Variants in ME1 observed in about 807,000 individuals in gnomAD.
ME1 encodes the protein malic enzyme 1, also known as NADP-dependent malic enzyme.
Under a neutral mutation model 66.4 loss-of-function variants are expected in ME1, and 74 were observed. The ratio of observed to expected loss-of-function variants is 1.11; its 90% CI spans 0.92 to 1.35. ME1 has a LOEUF of 1.35. ME1 is among the 40% of genes most tolerant of loss of function. The pLI, the probability that ME1 is intolerant of heterozygous loss-of-function variation, is 0.00. For synonymous variants in ME1, 251 were observed against 235.6 expected, an observed-to-expected ratio of 1.07 and a Z score of -0.60; for missense variants, 750 against 694.1, an observed-to-expected ratio of 1.08 and a Z score of -0.90.
intron 6 of ME1, among the ~76,000 whole-genome samples, chr6:83,258,752 C>G (rs979274096): frequency 6.6e-6 from 1 of 152,036 alleles, no homozygotes. Context: ...AAGAAATGAA[C>G]TCAGTAAGAT....
At chr6:83,355,964 C>A (rs1023021541) in intron 3 of ME1, among the ~76,000 whole-genome samples, 1 of 152,062 alleles carries the variant, frequency 6.6e-6, no homozygotes, top group African/African-American at 2.4e-5. Flanking sequence ...AGAATTGAGA[C>A]AATTTTAAAA....
chr6:83,242,016 CCAT>C (rs1400744237), intron 7 of ME1, among the ~76,000 whole-genome samples: 9 of 152,140 alleles, frequency 5.9e-5, no homozygotes, highest in Admixed American at 2.6e-4. Context: ...GCACCCACCA[CCAT>C]GCCTGGCTAA....
At chr6:83,278,080 G>T (rs910743601) in intron 6 of ME1, among the ~76,000 whole-genome samples, 2 of 151,998 alleles carry the variant, frequency 1.3e-5, no homozygotes, top group Non-Finnish European at 2.9e-5. Flanking sequence ...CAAGAAAAAT[G>T]CTGAACAAAC....
At chr6:83,251,637 T>C (rs951032306) in intron 7 of ME1, among the ~76,000 whole-genome samples, 14 of 152,058 alleles carry the variant, frequency 9.2e-5, no homozygotes, top group African/African-American at 3.4e-4. Context: ...ATAATTGAGA[T>C]GAGATTTGAA....
chr6:83,393,715 T>C (rs1456511938), intron 3 of ME1, among the ~76,000 whole-genome samples: 1 of 152,214 alleles, frequency 6.6e-6, no homozygotes, highest in African/African-American at 2.4e-5. Context: ...TTAGTATCTC[T>C]CAGAAACAAA....
intron 3 of ME1, among the ~76,000 whole-genome samples, chr6:83,390,624 T>C (rs1338119036): frequency 6.6e-6 from 1 of 152,116 alleles, no homozygotes; most frequent in East Asian, 1.9e-4. Flanking sequence ...ATATACACAC[T>C]AAATTGCAAT....
At chr6:83,355,703 T>C (rs1386485007) in intron 3 of ME1, among the ~76,000 whole-genome samples, 3 of 152,144 alleles carry the variant, frequency 2.0e-5, no homozygotes, top group Non-Finnish European at 4.4e-5. Flanking sequence ...TATCCAAAAG[T>C]GTTTTGGCAC....
intron 1 of ME1, among the ~76,000 whole-genome samples, chr6:83,411,067 C>A (rs1187887454): frequency 6.6e-6 from 1 of 152,162 alleles, no homozygotes; most frequent in Non-Finnish European, 1.5e-5. Context: ...AAGTTAAAAT[C>A]CTAGGATTGT....
At chr6:83,341,657 T>A (rs551129961) in intron 5 of ME1, among the ~76,000 whole-genome samples, 4 of 152,250 alleles carry the variant, frequency 2.6e-5, no homozygotes, top group African/African-American at 4.8e-5. Context: ...AAGATAACAG[T>A]AATACAGAGT....
intron 6 of ME1, among the ~76,000 whole-genome samples, chr6:83,266,247 A>T (rs1046438535): frequency 5.3e-5 from 8 of 152,240 alleles, no homozygotes; most frequent in Admixed American, 3.3e-4. Flanking sequence ...ATAACTGCTT[A>T]AAATAAAAAC....
rs140606062 is a variant in ME1 at position 83,228,891 on chromosome 6, T to C, written c.1067A>G (p.His356Arg). ...TAGGTTCTTCATTTCTTCATGTTCA[T>C]GGGCAAACTTCTCTTTCTCTTGTGT... ...SLTQEKEKFAHEHEEMKNLEA... is the reference protein window; with the variant it reads ...SLTQEKEKFAREHEEMKNLEA... Residue 356 changes from histidine (H) to arginine (R), a missense_variant, in exon 10 of 14, where the codon CAT becomes CGT. Physicochemically the swap from His to Arg is conservative, Grantham distance 29 (BLOSUM62 0). Transcript: ENST00000369705. 5.8e-5 allele frequency: 93 copies of C among 1,613,106 alleles called. No homozygotes were observed. Among genetic ancestry groups the C allele is most frequent in the Non-Finnish European group, 7.0e-5 (83 of 1,179,834 alleles).
intron 3 of ME1, among the ~76,000 whole-genome samples, chr6:83,386,413 T>C (rs945643714): frequency 2.6e-5 from 4 of 151,946 alleles, no homozygotes; most frequent in Non-Finnish European, 5.9e-5. Context: ...TAGTTTAATT[T>C]AAAAAAGGCA....
intron 7 of ME1, among the ~76,000 whole-genome samples, chr6:83,241,714 T>C (rs931915378): frequency 1.4e-4 from 22 of 152,292 alleles, no homozygotes; most frequent in African/African-American, 5.1e-4. Context: ...AGGGAATACA[T>C]GTAGAAAATT....
intron 3 of ME1, chr6:83,393,004 G>T: frequency 9.9e-7 from 1 of 1,007,104 alleles, no homozygotes. Flanking sequence ...GACGGCCATG[G>T]GGCTCTCCAG....
intron 5 of ME1, among the ~76,000 whole-genome samples, chr6:83,342,830 G>A (rs1335310022): frequency 6.6e-6 from 1 of 152,078 alleles, no homozygotes; most frequent in Non-Finnish European, 1.5e-5. Context: ...GGGATTACAG[G>A]CATGTGCCAC....
intron 3 of ME1, among the ~76,000 whole-genome samples, chr6:83,382,404 G>GA (rs1197802888): frequency 4.6e-5 from 7 of 151,984 alleles, no homozygotes; most frequent in Admixed American, 4.6e-4. Flanking sequence ...AGGTTGGGAA[G>GA]AAAAAGCAAG....
chr6:83,376,132 A>C (rs1311424194), intron 3 of ME1, among the ~76,000 whole-genome samples: 1 of 152,228 alleles, frequency 6.6e-6, no homozygotes, highest in Non-Finnish European at 1.5e-5. Flanking sequence ...GCATCATGTT[A>C]ATCTTGACAT....
chr6:83,394,958 C>CA (rs1184703850), intron 3 of ME1, among the ~76,000 whole-genome samples: 2 of 152,060 alleles, frequency 1.3e-5, no homozygotes, highest in African/African-American at 4.8e-5. Flanking sequence ...AATTTTGACT[C>CA]AATTTAGAAA....
intron 3 of ME1, among the ~76,000 whole-genome samples, chr6:83,381,398 C>CTTT (rs386359179): frequency 7.1e-6 from 1 of 140,486 alleles, no homozygotes. Context: ...TTAAGAAATT[C>CTTT]TTTTTTTTTT....
Sources: allele counts gnomAD v4.1 joint callset (sites outside exome capture counted in the v4.1 genomes callset), GRCh38; gene constraint gnomAD v4.1.1; transcripts MANE v1.5; gene names NCBI Gene and HGNC (gene_info 2026-07-23, HGNC 2026-07-21).